The following CADM2 variants were observed in gnomAD, a reference collection of about 807,000 sequenced individuals.
The protein encoded by CADM2 is immunoglobulin superfamily member 4D.
Under a neutral mutation model 49.8 loss-of-function variants are expected in CADM2, and 12 were observed. The observed-to-expected ratio is 0.24, with a 90% confidence interval of 0.15 to 0.39. The LOEUF (loss-of-function observed/expected upper bound fraction) is 0.39, where lower values mean the gene tolerates loss of function less well. Ranked by LOEUF, CADM2 falls within the 10% of genes least tolerant of loss-of-function variation. CADM2 has a pLI of 1.00. For synonymous variants in CADM2, 214 were observed against 175.4 expected (o/e 1.22, Z -1.74); for missense variants, 378 against 492.3 (o/e 0.77, Z 2.20).
intron 1 of CADM2, among the ~76,000 whole-genome samples, chr3:85,714,976 C>A (rs1325515674): frequency 6.6e-6 from 1 of 151,962 alleles, no homozygotes. Context: ...AATACAGAGT[C>A]CAATCATTAT....
chr3:86,054,170 T>G (rs756583149), intron 8 of CADM2, among the ~76,000 whole-genome samples: 7 of 152,048 alleles, frequency 4.6e-5, no homozygotes, highest in African/African-American at 7.2e-5. Context: ...AGCATAAGTC[T>G]TTTCTACTGG....
intron 1 of CADM2, among the ~76,000 whole-genome samples, chr3:85,086,735 C>T (rs1406180157): frequency 6.6e-6 from 1 of 151,984 alleles, no homozygotes; most frequent in Non-Finnish European, 1.5e-5. Flanking sequence ...TCTGGAACTT[C>T]TGAGTGTAAA....
intron 8 of CADM2, among the ~76,000 whole-genome samples, chr3:85,989,612 G>A (rs62261592): frequency 0.31 from 46,364 of 151,936 alleles, 8,372 homozygotes; most frequent in East Asian, 0.41. Flanking sequence ...ACAGAGATAC[G>A]TGTGCTCCAA....
rs528354736 is a variant in CADM2 at position 85,439,388 on chromosome 3, G to A, written c.62-287134G>A. Among the ~76,000 whole-genome samples the A allele has an allele frequency of 1.6e-3, 242 of 150,014 alleles. 1 individual carries two copies. Among genetic ancestry groups the A allele is most frequent in the African/African-American group, 5.4e-3 (222 of 40,850 alleles). Reference sequence around the variant, plus strand: ...GGCTGGTCTCGGACTCCTGACCTCAGCTGATTTGCCCGCCTCGGCCTATCA... The same window carrying A: ...GGCTGGTCTCGGACTCCTGACCTCAACTGATTTGCCCGCCTCGGCCTATCA... On this transcript the variant is annotated intron_variant, in intron 1 of 9. Coordinates refer to ENST00000383699, the MANE Select transcript of CADM2 (RefSeq NM_001167675.2).
chr3:85,919,172 A>G (rs1395619823), intron 6 of CADM2, among the ~76,000 whole-genome samples: 2 of 152,212 alleles, frequency 1.3e-5, no homozygotes, highest in East Asian at 1.9e-4. Context: ...TATATTTTCT[A>G]TATAATTCAT....
chr3:85,573,394 G>A (rs1016638829), intron 1 of CADM2, among the ~76,000 whole-genome samples: 27 of 151,928 alleles, frequency 1.8e-4, no homozygotes, highest in African/African-American at 6.3e-4. Flanking sequence ...GTTTCACCAT[G>A]CTGGCCAGGC....
chr3:85,884,698 C>T (rs1305651473), intron 4 of CADM2, among the ~76,000 whole-genome samples: 7 of 150,124 alleles, frequency 4.7e-5, no homozygotes, highest in African/African-American at 1.7e-4. Flanking sequence ...TTGTACTTCT[C>T]ATATTGGTGC....
At chr3:85,934,522 G>A (rs1257308725) in intron 6 of CADM2, among the ~76,000 whole-genome samples, 2 of 151,918 alleles carry the variant, frequency 1.3e-5, no homozygotes, top group Non-Finnish European at 2.9e-5. Flanking sequence ...TTACTGTGAT[G>A]TATTTTGAAT....
At chr3:85,713,174 T>G (rs2067168172) in intron 1 of CADM2, among the ~76,000 whole-genome samples, 1 of 152,172 alleles carries the variant, frequency 6.6e-6, no homozygotes, top group Non-Finnish European at 1.5e-5. Context: ...CTCGGCTCAC[T>G]GCAACCTCCG....
intron 1 of CADM2, among the ~76,000 whole-genome samples, chr3:85,636,906 T>C (rs1028743783): frequency 3.0e-4 from 46 of 152,312 alleles, no homozygotes; most frequent in African/African-American, 1.1e-3. Flanking sequence ...CACTCTATGA[T>C]GTCTACACAA....
intron 2 of CADM2, among the ~76,000 whole-genome samples, chr3:85,777,390 G>A (rs935515764): frequency 6.6e-6 from 1 of 151,916 alleles, no homozygotes; most frequent in Non-Finnish European, 1.5e-5. Flanking sequence ...GGAGTAGCTG[G>A]AACTACAGGC....
At chr3:86,025,340 A>C (rs1733758452) in intron 8 of CADM2, among the ~76,000 whole-genome samples, 1 of 152,160 alleles carries the variant, frequency 6.6e-6, no homozygotes, top group Non-Finnish European at 1.5e-5. Flanking sequence ...TACAGGCATG[A>C]GCAACTGTGC....
chr3:85,797,621 G>A (rs976039233), intron 2 of CADM2, among the ~76,000 whole-genome samples: 5 of 152,130 alleles, frequency 3.3e-5, no homozygotes, highest in Admixed American at 6.5e-5. Flanking sequence ...AGTATTCCAT[G>A]GTGTATATGT....
rs1304306426 is a variant in CADM2, at chr3:84,986,692, A to G, written c.61+27024A>G. On this transcript the variant is annotated intron_variant, in intron 1 of 9. Transcript: ENST00000383699. The stretch of plus-strand genomic sequence containing the variant: ...CGGGTGCAGCACACCAGCATGGCAC[A>G]TGTATACATATGTAACTAACCTGCA... Among the ~76,000 whole-genome samples, 16 of 152,030 alleles carry G rather than the reference A, an allele frequency of 1.1e-4. No homozygotes were observed. In the South Asian group the frequency reaches 3.1e-3, roughly 30 times the overall value.
intron 1 of CADM2, among the ~76,000 whole-genome samples, chr3:85,354,155 A>G (rs576048130): frequency 6.9e-4 from 105 of 152,062 alleles, no homozygotes; most frequent in African/African-American, 2.4e-3. Flanking sequence ...TTTAAAATGG[A>G]TGGCATAATA....
At chr3:84,982,128 T>G (rs1011937214) in intron 1 of CADM2, among the ~76,000 whole-genome samples, 1 of 152,206 alleles carries the variant, frequency 6.6e-6, no homozygotes, top group African/African-American at 2.4e-5. Flanking sequence ...ACATGACTTT[T>G]GAATAGTGTG....
At chr3:85,359,661 TA>T (rs1159607018) in intron 1 of CADM2, among the ~76,000 whole-genome samples, 820 of 28,494 alleles carry the variant, frequency 0.029, 96 homozygotes, top group Admixed American at 0.055. Context: ...TATATATATA[TA>T]TATATTTTTT....
At chr3:85,060,971 C>T (rs1008651893) in intron 1 of CADM2, among the ~76,000 whole-genome samples, 3 of 152,008 alleles carry the variant, frequency 2.0e-5, no homozygotes, top group African/African-American at 7.2e-5. Flanking sequence ...ATACTTCTAA[C>T]CAGAATGCAC....
At chr3:86,038,523 C>A (rs746503624) in intron 8 of CADM2, among the ~76,000 whole-genome samples, 2 of 152,188 alleles carry the variant, frequency 1.3e-5, no homozygotes, top group Non-Finnish European at 2.9e-5. Flanking sequence ...TCCTACTTTA[C>A]TATAGCCTGA....
Sources: gnomAD v4.1 joint callset for allele counts (sites outside exome capture counted in the v4.1 genomes callset) on GRCh38, gnomAD v4.1.1 for gene constraint, MANE v1.5 for transcripts, NCBI Gene and HGNC (gene_info 2026-07-23, HGNC 2026-07-21) for gene names.